The following CA12 variants were observed in gnomAD, a reference collection of about 807,000 sequenced individuals.
The protein encoded by CA12 is carbonate dehydratase XII.
CA12 carries 36 observed loss-of-function variants against 46.8 expected under a neutral mutation model. The observed-to-expected ratio is 0.77, with a 90% CI of 0.59 to 1.02. The LOEUF is 1.02. Among genes scored for constraint, CA12 ranks in the 50% least tolerant of loss-of-function variants. The pLI, the probability that CA12 is intolerant of heterozygous loss-of-function variation, is 0.00. For missense variants in CA12, 436 were observed against 451.4 expected, an observed-to-expected ratio of 0.97 and a Z score of 0.31; for synonymous variants, 202 against 187.0, an observed-to-expected ratio of 1.08 and a Z score of -0.65.
intron 2 of CA12, among the ~76,000 whole-genome samples, chr15:63,349,085 C>A (rs1859500218): frequency 6.6e-6 from 1 of 152,156 alleles, no homozygotes; most frequent in Non-Finnish European, 1.5e-5. Context: ...CCAGCATCAG[C>A]TGTCCCAACA....
At chr15:63,353,806 C>G (rs1032520479) in intron 2 of CA12, among the ~76,000 whole-genome samples, 1 of 152,164 alleles carries the variant, frequency 6.6e-6, no homozygotes, top group Admixed American at 6.5e-5. Flanking sequence ...CTCAGCCTCC[C>G]AAAGTGCTGG....
At chr15:63,346,254 G>A (rs1212058079) in intron 3 of CA12, among the ~76,000 whole-genome samples, 1 of 152,148 alleles carries the variant, frequency 6.6e-6, no homozygotes, top group Non-Finnish European at 1.5e-5. Flanking sequence ...CAGCTGCACA[G>A]CCAATGAACT....
chr15:63,352,828 G>C lies in CA12; in HGVS notation c.107-6119C>G, dbSNP rs1413958701. On this transcript the variant is annotated intron_variant, in intron 2 of 10. Coordinates refer to ENST00000178638, the MANE Select transcript of CA12 (RefSeq NM_001218.5). ...TAAGGAGGTCTGACCATAATGAAAG[G>C]CATGTGTATCTATATGAAAATGATC... 1.3e-5 allele frequency among the ~76,000 whole-genome samples: 2 copies of C among 152,136 alleles called. 1 individual carries two copies. Among genetic ancestry groups the C allele is most frequent in the Admixed American group, 1.3e-4 (2 of 15,278 alleles).
rs554265621 is a variant in CA12 at position 63,375,940 on chromosome 15, G to A, written c.86-262C>T. Among the ~76,000 whole-genome samples the A allele has an allele frequency of 5.7e-4, 87 of 152,050 alleles. 1 individual carries two copies. Among genetic ancestry groups the A allele is most frequent in the Admixed American group, 2.2e-3 (33 of 15,284 alleles). ...TTCTCCTGCCTCAGCCTCCTGAGTA[G>A]CTGGGATTACAGGCACGCACCGTCA... On this transcript the variant is annotated intron_variant, in intron 1 of 10. Coordinates refer to ENST00000178638, the MANE Select transcript of CA12 (RefSeq NM_001218.5).
At position 63,321,784 on chromosome 15, in the gene CA12, G is replaced by C. The variant is rs2038793891; in HGVS notation, c.*4501C>G. 1 of 152,376 alleles carries C rather than the reference G, an allele frequency of 6.6e-6. No homozygotes were observed. Among genetic ancestry groups the C allele is most frequent in the Admixed American group, 6.5e-5 (1 of 15,296 alleles). The allele number at this position is 152,376 out of a possible 1,614,324, so 9.4% of individuals were successfully genotyped here. A position where few individuals can be genotyped will look rare whatever the true frequency, so the allele number is the denominator to read the frequency against. ...CAGTTCACCAGGTGCCCACGTGCCT[G>C]CCACCCGAGCGCCATTCACTCCCGA... On this transcript the variant is annotated 3_prime_UTR_variant, in exon 11 of 11. Coordinates refer to ENST00000178638, the MANE Select transcript of CA12 (RefSeq NM_001218.5). The surrounding 1 kb of genome is among the most constrained non-coding windows in gnomAD (Gnocchi z 4.5).
chr15:63,381,315 G>A (rs747560508), intron 1 of CA12, among the ~76,000 whole-genome samples: 2 of 152,152 alleles, frequency 1.3e-5, no homozygotes, highest in African/African-American at 2.4e-5. Context: ...TGGATCAGGG[G>A]AACGCTGTTT....
In CA12 at chr15:63,342,109, G is replaced by A; in HGVS notation, c.430-12C>T. 6.3e-7 allele frequency: 1 copy of A among 1,582,476 alleles called. No individual in the cohort carries two copies. Among genetic ancestry groups the A allele is most frequent in the Non-Finnish European group, 8.7e-7 (1 of 1,151,724 alleles). On this transcript the variant is annotated splice_polypyrimidine_tract_variant and intron_variant, in intron 4 of 10. Transcript: ENST00000178638. ...TGGACAATGTGCAGCTGCAGTGGGG[G>A]AGAAGCCACCCATTAGGAGATAAGC...
At chr15:63,379,473 G>T (rs2039617502) in intron 1 of CA12, among the ~76,000 whole-genome samples, 1 of 152,212 alleles carries the variant, frequency 6.6e-6, no homozygotes, top group Admixed American at 6.5e-5. Context: ...GGCTTAAAAG[G>T]ATTAAACTGA....
At chr15:63,362,302 T>C (rs1188609348) in intron 2 of CA12, among the ~76,000 whole-genome samples, 2 of 152,250 alleles carry the variant, frequency 1.3e-5, no homozygotes, top group Non-Finnish European at 2.9e-5. Context: ...GTGTTCCTTT[T>C]AATAGACAAA....
intron 2 of CA12, among the ~76,000 whole-genome samples, chr15:63,350,338 A>G (rs980301410): frequency 6.6e-6 from 1 of 152,120 alleles, no homozygotes; most frequent in Non-Finnish European, 1.5e-5. Context: ...CTGGGCTACC[A>G]TTTTCCAACT....
chr15:63,329,205 C>T lies in CA12; in HGVS notation c.875-1075G>A, dbSNP rs759178331. ...TTTTGCTTTGTCCCTCCTGGACAAA[C>T]GCCTTCACCACATCAGCCCCACTTC... is the stretch of plus-strand genomic sequence containing the variant. On this transcript the variant is annotated intron_variant, in intron 8 of 10. Transcript: ENST00000178638. The surrounding 1 kb of genome is among the most constrained non-coding windows in gnomAD (Gnocchi z 4.8). Among the ~76,000 whole-genome samples, 3 of 152,192 alleles carry T rather than the reference C, an allele frequency of 2.0e-5. No homozygotes were observed. The highest frequency in any genetic ancestry group is 6.5e-5 in the Admixed American group (1 of 15,288).
At chr15:63,336,409 T>G (rs1307394548) in intron 8 of CA12, among the ~76,000 whole-genome samples, 1 of 152,276 alleles carries the variant, frequency 6.6e-6, no homozygotes, top group South Asian at 2.1e-4. Context: ...CTGCCCGGTT[T>G]CTTCTGATCC....
intron 2 of CA12, among the ~76,000 whole-genome samples, chr15:63,347,217 T>C (rs72748935): frequency 0.39 from 59,880 of 152,090 alleles, 15,033 homozygotes; most frequent in Non-Finnish European, 0.56. Context: ...ATTATCTTGG[T>C]GCAAAAATAA....
Position 63,346,676 on chromosome 15 carries a change from T to G in CA12, c.140A>C (p.Tyr47Ser), listed in dbSNP as rs1595782112. ...PDGENSWSKK[Y>S]PSCGGLLQSP... ...CTGCAGCAGGCCCCCACACGACGGG[T>G]ACTTCTTGGACCAGCTATTCTCCCC... The change falls in exon 3 of 11, where the codon TAC becomes TCC. Residue 47 changes from tyrosine (Y) to serine (S), a missense_variant. Transcript: ENST00000178638. 6.2e-7 allele frequency: 1 copy of G among 1,614,158 alleles called. No homozygotes were observed. The highest frequency in any genetic ancestry group is 1.1e-5 in the South Asian group (1 of 91,082).
At chr15:63,342,274 A>G (rs1306303236) in intron 4 of CA12, among the ~76,000 whole-genome samples, 177 bp from the exon 5 acceptor site, 1 of 152,146 alleles carries the variant, frequency 6.6e-6, no homozygotes, top group African/African-American at 2.4e-5. Context: ...CATGTGCCCA[A>G]GGTGGTCAGG....
chr15:63,342,334 G>T (rs922347797), intron 4 of CA12, among the ~76,000 whole-genome samples: 1 of 152,208 alleles, frequency 6.6e-6, no homozygotes, highest in Middle Eastern at 3.4e-3. Flanking sequence ...CAATCAATAC[G>T]TACAAGATAC....
chr15:63,376,582 CTTTCTTTCTTTCTTTCTT>C (rs1323768211), intron 1 of CA12, among the ~76,000 whole-genome samples: 3 of 118,370 alleles, frequency 2.5e-5, no homozygotes, highest in African/African-American at 8.7e-5. Context: ...TTCTTTCTTT[CTTTCTTTCTTTCTTTCTT>C]TCTCTCTCTC....
chr15:63,363,221 C>T (rs2039389013), intron 2 of CA12, among the ~76,000 whole-genome samples: 1 of 152,172 alleles, frequency 6.6e-6, no homozygotes, highest in Non-Finnish European at 1.5e-5. Context: ...CTAAGGTTTC[C>T]TACATGTCTC....
At chr15:63,344,580 T>C (rs1254404930) in intron 4 of CA12, among the ~76,000 whole-genome samples, 1 of 152,206 alleles carries the variant, frequency 6.6e-6, no homozygotes, top group Non-Finnish European at 1.5e-5. Flanking sequence ...CCAGATCCTA[T>C]CCCTTCCATG....
Sources: gnomAD v4.1 joint callset for allele counts (sites outside exome capture counted in the v4.1 genomes callset) on GRCh38, gnomAD v4.1.1 for gene constraint, Gnocchi (gnomAD v3.1) non-coding constraint, MANE v1.5 for transcripts, NCBI Gene and HGNC (gene_info 2026-07-23, HGNC 2026-07-21) for gene names.